Variants in DIAPH3 observed in about 807,000 individuals in gnomAD.
The protein encoded by DIAPH3 is diaphanous related formin 3.
Under a neutral mutation model 144.3 loss-of-function variants are expected in DIAPH3, and 117 were observed. That is an observed-to-expected ratio of 0.81 (90% CI 0.70 to 0.95). The LOEUF is 0.95. DIAPH3 is among the 40% of genes least tolerant of loss of function. The pLI is 0.00. For missense variants in DIAPH3, 1,421 were observed against 1,412.7 expected, an observed-to-expected ratio of 1.01 and a Z score of -0.09; for synonymous variants, 519 against 488.9, an observed-to-expected ratio of 1.06 and a Z score of -0.81.
At chr13:59,690,608 G>T (rs1388830673) in intron 27 of DIAPH3, among the ~76,000 whole-genome samples, 2 of 152,158 alleles carry the variant, frequency 1.3e-5, no homozygotes, top group African/African-American at 4.8e-5. Flanking sequence ...GCTAGCCTGG[G>T]AACCTAACCA....
intron 9 of DIAPH3, among the ~76,000 whole-genome samples, chr13:59,997,229 CTGT>C (rs1272548583): frequency 9.8e-4 from 149 of 152,164 alleles, no homozygotes; most frequent in South Asian, 2.1e-4. Flanking sequence ...TCTTCCCAGA[CTGT>C]TATCTTTCCA....
chr13:59,803,099 G>A (rs2040022589), intron 25 of DIAPH3, among the ~76,000 whole-genome samples: 1 of 152,188 alleles, frequency 6.6e-6, no homozygotes, highest in Admixed American at 6.5e-5. Flanking sequence ...AGTATTGAAT[G>A]TTACAGACAA....
intron 24 of DIAPH3, among the ~76,000 whole-genome samples, chr13:59,815,705 C>T (rs922414809): frequency 3.3e-5 from 5 of 152,014 alleles, no homozygotes; most frequent in South Asian, 4.2e-4. Flanking sequence ...ATCCTCTCAC[C>T]GTAGCCTCCC....
chr13:59,989,918 A>G (rs1402808096), intron 12 of DIAPH3, among the ~76,000 whole-genome samples: 1 of 151,888 alleles, frequency 6.6e-6, no homozygotes, highest in Non-Finnish European at 1.5e-5. Flanking sequence ...AGACGACAGG[A>G]CTGACCACAC....
intron 22 of DIAPH3, among the ~76,000 whole-genome samples, chr13:59,858,220 CACTTTTAAA>C (rs1225790349): frequency 1.3e-5 from 2 of 151,914 alleles, no homozygotes; most frequent in Non-Finnish European, 2.9e-5. Context: ...TAGTGAAAAG[CACTTTTAAA>C]AAAGCAATGC....
chr13:60,016,001 T>C lies in DIAPH3; in HGVS notation c.702-19A>G, dbSNP rs377002405. 1.1e-4 allele frequency: 176 copies of C among 1,611,566 alleles called. No individual in the cohort carries two copies. Among genetic ancestry groups the C allele is most frequent in the Non-Finnish European group, 1.4e-4 (161 of 1,178,172 alleles). On this transcript the variant is annotated intron_variant, in intron 6 of 27. Coordinates refer to ENST00000400324, the MANE Select transcript of DIAPH3 (RefSeq NM_001042517.2). ...TTCTTGGCTGTATTGACATAAAAAATAGCAGTGTTGGAATTATAATTGGAC... is the reference window on the plus strand; with the variant it reads ...TTCTTGGCTGTATTGACATAAAAAACAGCAGTGTTGGAATTATAATTGGAC...
intron 3 of DIAPH3, among the ~76,000 whole-genome samples, chr13:60,099,071 C>T (rs907407740): frequency 1.3e-5 from 2 of 152,078 alleles, no homozygotes; most frequent in Admixed American, 1.3e-4. Flanking sequence ...CTCTGAAGAG[C>T]ATATTATTGT....
At chr13:59,876,729 C>A (rs1027892861) in intron 21 of DIAPH3, among the ~76,000 whole-genome samples, 5 of 152,140 alleles carry the variant, frequency 3.3e-5, no homozygotes, top group African/African-American at 9.7e-5. Context: ...GAAGAGCATG[C>A]AGCCAGTTTT....
chr13:59,713,487 A>T (rs924243544), intron 27 of DIAPH3, among the ~76,000 whole-genome samples: 2 of 152,364 alleles, frequency 1.3e-5, no homozygotes, highest in Admixed American at 1.3e-4. Context: ...GGCACCGTGC[A>T]GAGTGATCTG....
Position 59,849,968 on chromosome 13 carries a change from T to G in DIAPH3, c.2738-10520A>C, listed in dbSNP as rs1222631633. 1.3e-3 allele frequency among the ~76,000 whole-genome samples: 194 copies of G among 144,768 alleles called. 1 individual carries two copies. Among genetic ancestry groups the G allele is most frequent in the Middle Eastern group, 3.5e-3 (1 of 284 alleles). The allele number at this position is 144,768 out of a possible 152,430, so 95.0% of individuals were successfully genotyped here. A position where few individuals can be genotyped will look rare whatever the true frequency, so the allele number is the denominator to read the frequency against. ...CCCATGAGCATGGAATGTTCTTCCATTTGTTTGTATCCTCTTTTATTTCCT... is the reference window on the plus strand; with the variant it reads ...CCCATGAGCATGGAATGTTCTTCCAGTTGTTTGTATCCTCTTTTATTTCCT... On this transcript the variant is annotated intron_variant, in intron 22 of 27. Transcript: ENST00000400324.
At chr13:59,773,073 G>T (rs2038206899) in intron 27 of DIAPH3, among the ~76,000 whole-genome samples, 1 of 151,912 alleles carries the variant, frequency 6.6e-6, no homozygotes, top group Non-Finnish European at 1.5e-5. Flanking sequence ...CCTAAATTTA[G>T]GAATTACTTA....
chr13:60,029,541 T>A (rs2054632232), intron 5 of DIAPH3, among the ~76,000 whole-genome samples: 3 of 152,126 alleles, frequency 2.0e-5, no homozygotes, highest in Non-Finnish European at 2.9e-5. Context: ...GTGAGTGAGT[T>A]CTCACAAGAT....
chr13:60,135,769 C>A (rs1395001328), intron 1 of DIAPH3, among the ~76,000 whole-genome samples: 1 of 152,158 alleles, frequency 6.6e-6, no homozygotes, highest in Non-Finnish European at 1.5e-5. Flanking sequence ...TAGTTATGTA[C>A]ACACATGCAA....
intron 4 of DIAPH3, among the ~76,000 whole-genome samples, chr13:60,047,614 T>C (rs545800729): frequency 2.0e-4 from 31 of 152,120 alleles, no homozygotes; most frequent in Non-Finnish European, 3.8e-4. Context: ...TGGACTTTCA[T>C]ATGAAAGAAA....
intron 4 of DIAPH3, among the ~76,000 whole-genome samples, chr13:60,043,940 C>T (rs1326370758): frequency 1.3e-5 from 2 of 152,138 alleles, no homozygotes; most frequent in East Asian, 3.9e-4. Context: ...ACAGAGAAGA[C>T]TTCAAAGGCC....
At chr13:60,100,390 G>C (rs528296067) in intron 3 of DIAPH3, among the ~76,000 whole-genome samples, 1 of 152,146 alleles carries the variant, frequency 6.6e-6, no homozygotes, top group Admixed American at 6.5e-5. Flanking sequence ...AAAGTATCAA[G>C]CTCATAAAAG....
chr13:59,769,034 G>GA (rs2037991475), intron 27 of DIAPH3, among the ~76,000 whole-genome samples: 3 of 151,750 alleles, frequency 2.0e-5, no homozygotes, highest in South Asian at 4.1e-4. Flanking sequence ...CATTTAACTG[G>GA]AAAAAAAATC....
At chr13:59,698,028 A>C (rs943612819) in intron 27 of DIAPH3, among the ~76,000 whole-genome samples, 10 of 152,214 alleles carry the variant, frequency 6.6e-5, no homozygotes, top group African/African-American at 2.4e-4. Flanking sequence ...TATGGTAGTC[A>C]AAGAAAGTTA....
At chr13:59,900,531 T>C (rs955770214) in intron 20 of DIAPH3, among the ~76,000 whole-genome samples, 4 of 152,180 alleles carry the variant, frequency 2.6e-5, no homozygotes, top group Non-Finnish European at 5.9e-5. Flanking sequence ...GGGATTGCAA[T>C]TGTCCTTTGA....
Sources: gnomAD v4.1 joint callset for allele counts (sites outside exome capture counted in the v4.1 genomes callset) on GRCh38, gnomAD v4.1.1 for gene constraint, MANE v1.5 for transcripts, NCBI Gene and HGNC (gene_info 2026-07-23, HGNC 2026-07-21) for gene names.